The following UBL3 variants were observed in gnomAD, a reference collection of about 807,000 sequenced individuals.
UBL3 encodes the protein ubiquitin-like protein 3.
A neutral mutation model predicts 18.4 loss-of-function variants in UBL3; 6 were observed. That is an observed-to-expected ratio of 0.33 (90% CI 0.18 to 0.64). The LOEUF (loss-of-function observed/expected upper bound fraction) is 0.64. UBL3 is among the 30% of genes least tolerant of loss of function. The pLI, the probability that UBL3 is intolerant of heterozygous loss-of-function variation, is 0.76. For synonymous variants in UBL3, 49 were observed against 46.6 expected (o/e 1.05, Z -0.21); for missense variants, 109 against 142.9 (o/e 0.76, Z 1.21).
chr13:29,824,460 T>C (rs1198905775), intron 1 of UBL3, among the ~76,000 whole-genome samples: 2 of 152,252 alleles, frequency 1.3e-5, no homozygotes, highest in African/African-American at 4.8e-5. Flanking sequence ...TGATGGCCAG[T>C]GATGATGAGC....
At position 29,850,539 on chromosome 13, in the gene UBL3, C is replaced by T. The variant is rs535677336; in HGVS notation, c.-1001G>A. 1.2e-4 allele frequency: 19 copies of T among 155,126 alleles called. No individual in the cohort carries two copies. Among genetic ancestry groups the T allele is most frequent in the African/African-American group, 4.1e-4 (17 of 41,554 alleles). 9.6% of individuals were successfully genotyped at this position (155,126 alleles called of 1,614,324 possible). On this transcript the variant is annotated 5_prime_UTR_variant, in exon 1 of 5. It adds an upstream start codon to the 5' untranslated region. Transcript: ENST00000380680. The stretch of plus-strand genomic sequence containing the variant: ...TCCTCCTTCACTTTTCAGTCCCACA[C>T]GCCGCGGCCGCCTCCTGTCATCGCC...
chr13:29,823,536 A>G (rs1878534495), intron 1 of UBL3, among the ~76,000 whole-genome samples: 1 of 152,266 alleles, frequency 6.6e-6, no homozygotes, highest in Admixed American at 6.5e-5. Context: ...ACTTCTCTTT[A>G]GGAACCACTG....
intron 1 of UBL3, among the ~76,000 whole-genome samples, chr13:29,835,083 AAT>A (rs1232622287): frequency 1.2e-5 from 1 of 86,286 alleles, no homozygotes; most frequent in African/African-American, 5.6e-5. Flanking sequence ...AAAATATATA[AAT>A]ATAAATATAT....
At chr13:29,779,507 TATA>T (rs751890842) in intron 1 of UBL3, among the ~76,000 whole-genome samples, 6 of 152,310 alleles carry the variant, frequency 3.9e-5, no homozygotes, top group South Asian at 4.1e-4. Context: ...TTACTCAAAT[TATA>T]ATATTTAAAA....
intron 1 of UBL3, among the ~76,000 whole-genome samples, chr13:29,784,233 GAA>G (rs772701809): frequency 2.0e-5 from 3 of 152,158 alleles, no homozygotes; most frequent in Non-Finnish European, 4.4e-5. Flanking sequence ...TGACGGGAAA[GAA>G]AGAGGGAGGA....
intron 1 of UBL3, chr13:29,779,180 T>C (rs1265669147): frequency 2.0e-6 from 1 of 492,786 alleles, no homozygotes; most frequent in Non-Finnish European, 4.0e-6. Context: ...AAATCAGTAA[T>C]GAGCAATTCT....
chr13:29,828,920 T>G (rs1201479733), intron 1 of UBL3, among the ~76,000 whole-genome samples: 1 of 152,234 alleles, frequency 6.6e-6, no homozygotes, highest in Non-Finnish European at 1.5e-5. Context: ...GAAGGTCTGT[T>G]GTAGTTTGCT....
intron 1 of UBL3, among the ~76,000 whole-genome samples, chr13:29,812,682 T>G (rs1048972135): frequency 7.2e-5 from 11 of 152,066 alleles, no homozygotes; most frequent in Non-Finnish European, 1.2e-4. Context: ...TAAGCATGTT[T>G]GGAACTTGGA....
chr13:29,847,657 C>T (rs1282682577), intron 1 of UBL3, among the ~76,000 whole-genome samples: 1 of 152,218 alleles, frequency 6.6e-6, no homozygotes, highest in Non-Finnish European at 1.5e-5. Flanking sequence ...ATTCCAACGT[C>T]TGTGAGAGAA....
intron 1 of UBL3, among the ~76,000 whole-genome samples, chr13:29,793,142 A>G (rs1422926208): frequency 6.6e-6 from 1 of 152,036 alleles, no homozygotes; most frequent in Non-Finnish European, 1.5e-5. Context: ...ATAGAATAGT[A>G]AAGCGCAAAT....
chr13:29,833,714 C>T (rs1397887572), intron 1 of UBL3, among the ~76,000 whole-genome samples: 5 of 152,184 alleles, frequency 3.3e-5, no homozygotes, highest in Admixed American at 3.3e-4. Context: ...CTTTATTTTT[C>T]TCTGTAATAC....
chr13:29,772,225 G>A (rs1876860580), intron 2 of UBL3, 27 bp from the exon 3 acceptor site: 4 of 1,568,620 alleles, frequency 2.6e-6, no homozygotes, highest in Non-Finnish European at 3.5e-6. Flanking sequence ...GTACTGGTTA[G>A]GTATATTCCA....
At chr13:29,810,781 T>C (rs1046216008) in intron 1 of UBL3, among the ~76,000 whole-genome samples, 2 of 152,136 alleles carry the variant, frequency 1.3e-5, no homozygotes, top group Non-Finnish European at 2.9e-5. Context: ...CAAGCTATGA[T>C]TGGAAACCAG....
intron 1 of UBL3, among the ~76,000 whole-genome samples, chr13:29,836,564 G>C (rs1324679362): frequency 6.6e-6 from 1 of 151,856 alleles, no homozygotes; most frequent in African/African-American, 2.4e-5. Context: ...AGATCCCTTA[G>C]AGAAGGGAAA....
intron 1 of UBL3, among the ~76,000 whole-genome samples, chr13:29,786,430 T>C (rs1051209283): frequency 6.6e-6 from 1 of 152,174 alleles, no homozygotes; most frequent in Admixed American, 6.5e-5. Flanking sequence ...TGAGAGGGAA[T>C]GGCATTAAAA....
rs1879138895 is a variant in UBL3 at position 29,842,824 on chromosome 13, C to A, written c.27+6688G>T. ...ATAACTAACAGCCAGAAAATTAGCCCTCCTAAAAAGAGAATTCTAAGCAAC... is the reference window on the plus strand; with the variant it reads ...ATAACTAACAGCCAGAAAATTAGCCATCCTAAAAAGAGAATTCTAAGCAAC... On this transcript the variant is annotated intron_variant, in intron 1 of 4. Transcript: ENST00000380680. Among the ~76,000 whole-genome samples, 4 of 152,224 alleles carry A rather than the reference C, an allele frequency of 2.6e-5. 1 individual carries two copies. The South Asian group carries it at 8.3e-4, about 32-fold the overall frequency.
At chr13:29,843,641 T>C (rs989096935) in intron 1 of UBL3, among the ~76,000 whole-genome samples, 1 of 152,248 alleles carries the variant, frequency 6.6e-6, no homozygotes, top group African/African-American at 2.4e-5. Context: ...ATTAAAATTT[T>C]CTTTTTCCTG....
chr13:29,832,617 C>T (rs1878810143), intron 1 of UBL3, among the ~76,000 whole-genome samples: 1 of 152,176 alleles, frequency 6.6e-6, no homozygotes, highest in South Asian at 2.1e-4. Flanking sequence ...CTCACTACTA[C>T]TTAGAAATCC....
At chr13:29,825,713 C>T (rs1331943841) in intron 1 of UBL3, among the ~76,000 whole-genome samples, 1 of 152,132 alleles carries the variant, frequency 6.6e-6, no homozygotes, top group Non-Finnish European at 1.5e-5. Context: ...ATTGCTCTGG[C>T]CAGAAATTCC....
Sources: gnomAD v4.1 joint callset for allele counts (sites outside exome capture counted in the v4.1 genomes callset) on GRCh38, gnomAD v4.1.1 for gene constraint, MANE v1.5 for transcripts, NCBI Gene and HGNC (gene_info 2026-07-23, HGNC 2026-07-21) for gene names.